Variants in DPP6 observed in about 807,000 individuals in gnomAD.
DPP6 encodes dipeptidyl peptidase like 6, also known as A-type potassium channel modulatory protein DPP6.
DPP6 carries 69 observed loss-of-function variants against 122.6 expected under a neutral mutation model. The observed-to-expected ratio is 0.56, with a 90% CI of 0.46 to 0.69. The LOEUF (loss-of-function observed/expected upper bound fraction) is 0.69, where lower values mean the gene tolerates loss of function less well. DPP6 is among the 30% of genes least tolerant of loss of function. The pLI is 0.00. For missense variants in DPP6, 928 were observed against 1,116.9 expected, an observed-to-expected ratio of 0.83 and a Z score of 2.41; for synonymous variants, 418 against 433.1, an observed-to-expected ratio of 0.97 and a Z score of 0.43.
At chr7:154,087,321 AT>A (rs935895082) in intron 1 of DPP6, among the ~76,000 whole-genome samples, 1 of 152,236 alleles carries the variant, frequency 6.6e-6, no homozygotes, top group African/African-American at 2.4e-5. Flanking sequence ...TTTTAGCTTC[AT>A]TATAAGAGTA....
intron 1 of DPP6, among the ~76,000 whole-genome samples, chr7:153,940,511 A>G (rs1428885821): frequency 2.0e-5 from 3 of 152,104 alleles, no homozygotes; most frequent in East Asian, 1.9e-4. Context: ...TTTTATAGCT[A>G]GGGGAACTAA....
intron 1 of DPP6, among the ~76,000 whole-genome samples, chr7:153,929,524 T>C (rs1801076287): frequency 6.6e-6 from 1 of 151,914 alleles, no homozygotes; most frequent in African/African-American, 2.4e-5. Context: ...CTAGATGATG[T>C]TTACAGCCTT....
At chr7:154,623,575 A>G (rs1586755004) in intron 5 of DPP6, among the ~76,000 whole-genome samples, 2 of 63,842 alleles carry the variant, frequency 3.1e-5, no homozygotes, top group African/African-American at 4.4e-5. Flanking sequence ...GCACACACAC[A>G]CGCACGCACA....
chr7:154,028,837 C>T (rs1479367309), intron 1 of DPP6, among the ~76,000 whole-genome samples: 1 of 152,100 alleles, frequency 6.6e-6, no homozygotes, highest in African/African-American at 2.4e-5. Context: ...TGACCCCTGA[C>T]ACTGTGTGCT....
chr7:153,981,075 A>G (rs1796559992), intron 1 of DPP6, among the ~76,000 whole-genome samples: 1 of 152,166 alleles, frequency 6.6e-6, no homozygotes, highest in Non-Finnish European at 1.5e-5. Context: ...CTTGGTCCAG[A>G]GCTGAGTTCA....
At chr7:154,162,199 C>T (rs1797017518) in intron 1 of DPP6, among the ~76,000 whole-genome samples, 2 of 151,080 alleles carry the variant, frequency 1.3e-5, no homozygotes, top group South Asian at 2.1e-4. Context: ...CCCGGGAACC[C>T]GCACTGACCA....
intron 7 of DPP6, among the ~76,000 whole-genome samples, chr7:154,705,607 G>T (rs1191354146): frequency 6.6e-6 from 1 of 152,172 alleles, no homozygotes; most frequent in African/African-American, 2.4e-5. Context: ...GCCCATGGCT[G>T]GGGTGGCAGG....
chr7:154,807,068 C>T lies in DPP6; in HGVS notation c.1622C>T (p.Ala541Val), dbSNP rs1190265923. ...GTTGAGAACTGCACCTACTTCAGCG[C>T]TTCCTTCAGCCATAGCATGGACTTC... ...DLVENCTYFSASFSHSMDFFL... is the reference protein window; with the variant it reads ...DLVENCTYFSVSFSHSMDFFL... The change falls in exon 16 of 26, where the codon GCT becomes GTT. Residue 541 changes from alanine (A) to valine (V), a missense_variant. By Grantham distance (64) the Ala-to-Val change is moderately conservative (BLOSUM62 0). Transcript: ENST00000377770. The T allele has an allele frequency of 6.2e-7, 1 of 1,613,856 alleles. No homozygotes were observed. Among genetic ancestry groups the T allele is most frequent in the East Asian group, 2.2e-5 (1 of 44,882 alleles).
chr7:154,042,971 T>C (rs1049830800), intron 1 of DPP6, among the ~76,000 whole-genome samples: 1 of 152,346 alleles, frequency 6.6e-6, no homozygotes, highest in African/African-American at 2.4e-5. Flanking sequence ...AGACTGTTTT[T>C]AGTCATATGG....
At chr7:154,057,074 G>C (rs2533714) in intron 1 of DPP6, among the ~76,000 whole-genome samples, 8 of 152,348 alleles carry the variant, frequency 5.3e-5, no homozygotes, top group East Asian at 1.9e-4. Context: ...CTTGATCCCA[G>C]TGGCCCCTAC....
chr7:154,289,988 G>C (rs938787042), intron 1 of DPP6, among the ~76,000 whole-genome samples: 2 of 152,136 alleles, frequency 1.3e-5, no homozygotes. Context: ...GACCAGATGG[G>C]CGAGGATGTT....
At chr7:154,085,846 G>A (rs1326882474) in intron 1 of DPP6, among the ~76,000 whole-genome samples, 1 of 152,132 alleles carries the variant, frequency 6.6e-6, no homozygotes, top group African/African-American at 2.4e-5. Context: ...TTCTGCCTCA[G>A]CCTCCCAAGT....
Position 154,058,988 on chromosome 7 carries a change from G to T in DPP6, c.243+5925G>T, listed in dbSNP as rs1296881043. 2.1e-5 allele frequency: 3 copies of T among 143,728 alleles called. No individual in the cohort carries two copies. The East Asian group carries it at 6.4e-4, about 31-fold the overall frequency. 8.9% of individuals were successfully genotyped at this position (143,728 alleles called of 1,614,324 possible). A position where few individuals can be genotyped will look rare whatever the true frequency, so the allele number is the denominator to read the frequency against. On this transcript the variant is annotated intron_variant, in intron 1 of 25. Transcript: ENST00000377770. Reference sequence around the variant, plus strand: ...CCCGCGAGGCAGGGACTGAGAGCCAGCCTCTGTTCCCCCACTGGCTCTTAG... The same window carrying T: ...CCCGCGAGGCAGGGACTGAGAGCCATCCTCTGTTCCCCCACTGGCTCTTAG...
intron 5 of DPP6, among the ~76,000 whole-genome samples, chr7:154,592,702 C>T (rs2130736857): frequency 1.3e-5 from 2 of 152,212 alleles, no homozygotes; most frequent in Admixed American, 1.3e-4. Flanking sequence ...GGAGGGGTCT[C>T]AGGGTGGAGG....
chr7:154,619,166 C>G (rs1200723332), intron 5 of DPP6, among the ~76,000 whole-genome samples: 1 of 152,176 alleles, frequency 6.6e-6, no homozygotes, highest in African/African-American at 2.4e-5. Flanking sequence ...TTGTAAATTA[C>G]CCGGTCTCAG....
At chr7:154,580,692 G>A (rs141079293) in intron 5 of DPP6, among the ~76,000 whole-genome samples, 1 of 152,156 alleles carries the variant, frequency 6.6e-6, no homozygotes. Context: ...CAAGAGGCTT[G>A]AGTCAGGGAA....
chr7:154,015,534 C>T (rs1221040100), intron 1 of DPP6, among the ~76,000 whole-genome samples: 1 of 152,140 alleles, frequency 6.6e-6, no homozygotes, highest in Non-Finnish European at 1.5e-5. Context: ...AAGAGAGCTC[C>T]TCATCCCCAT....
chr7:154,167,012 G>A (rs369192387), intron 1 of DPP6, among the ~76,000 whole-genome samples: 3 of 146,528 alleles, frequency 2.0e-5, no homozygotes, highest in Non-Finnish European at 4.4e-5. Context: ...TACAAAAATT[G>A]TAAGTATGTG....
chr7:153,864,283 T>G, the DPP6 span, among the ~76,000 whole-genome samples: 14 of 152,318 alleles, frequency 9.2e-5, no homozygotes, highest in South Asian at 2.9e-3. Context: ...TTTTAGTGGT[T>G]GTGAAATGGC....
Sources: allele counts gnomAD v4.1 joint callset (sites outside exome capture counted in the v4.1 genomes callset), GRCh38; gene constraint gnomAD v4.1.1; transcripts MANE v1.5; gene names NCBI Gene and HGNC (gene_info 2026-07-23, HGNC 2026-07-21).